Variants in SDHAF4 observed in about 807,000 individuals in gnomAD.
The protein encoded by SDHAF4 is succinate dehydrogenase complex assembly factor 4.
In SDHAF4, 14 loss-of-function variants were observed where a neutral mutation model predicts 14.3. That is an observed-to-expected ratio of 0.98 (90% CI 0.65 to 1.53). SDHAF4 has a LOEUF of 1.53. Among genes scored for constraint, SDHAF4 ranks in the 40% most tolerant of loss-of-function variants. The probability of loss-of-function intolerance (pLI) is 0.00; values close to 1 mark genes in which losing one functional copy is unlikely to be tolerated. For missense variants in SDHAF4, 141 were observed against 129.3 expected (o/e 1.09, Z -0.44); for synonymous variants, 63 against 47.3 (o/e 1.33, Z -1.36).
At chr6:70,578,549 T>C (rs1234413895) in intron 1 of SDHAF4, among the ~76,000 whole-genome samples, 6 of 152,234 alleles carry the variant, frequency 3.9e-5, no homozygotes, top group African/African-American at 1.4e-4. Flanking sequence ...AGCGTTTCTT[T>C]TGCTCTACAA....
At chr6:70,583,314 T>C (rs1449967627) in intron 2 of SDHAF4, among the ~76,000 whole-genome samples, 1 of 152,182 alleles carries the variant, frequency 6.6e-6, no homozygotes, top group Non-Finnish European at 1.5e-5. Context: ...GGTTTCACCA[T>C]GTTGGTCAGG....
At chr6:70,578,662 G>A (rs115110385) in intron 1 of SDHAF4, among the ~76,000 whole-genome samples, 61 of 152,250 alleles carry the variant, frequency 4.0e-4, no homozygotes, top group African/African-American at 1.3e-3. Context: ...CAAGACCAAT[G>A]TCCAGAAGAG....
At chr6:70,570,466 G>T (rs1802164883) in intron 1 of SDHAF4, among the ~76,000 whole-genome samples, 1 of 152,068 alleles carries the variant, frequency 6.6e-6, no homozygotes, top group South Asian at 2.1e-4. Flanking sequence ...GGGATTACTG[G>T]TGTGCACCAC....
downstream of SDHAF4, among the ~76,000 whole-genome samples, chr6:70,594,218 A>G (rs1008033963): frequency 2.0e-5 from 3 of 152,186 alleles, no homozygotes; most frequent in African/African-American, 7.2e-5. Flanking sequence ...GGCTATGAAG[A>G]TAGAATAAAT....
At chr6:70,570,891 T>A (rs7757026) in intron 1 of SDHAF4, among the ~76,000 whole-genome samples, 26,376 of 152,000 alleles carry the variant, frequency 0.17, 2,381 homozygotes, top group Middle Eastern at 0.21. Flanking sequence ...CCAAAAAATC[T>A]CCGTCTTATG....
intron 2 of SDHAF4, among the ~76,000 whole-genome samples, chr6:70,585,639 TC>T (rs967258685): frequency 3.3e-5 from 5 of 152,180 alleles, no homozygotes; most frequent in African/African-American, 7.2e-5. Flanking sequence ...AAGAAGAACT[TC>T]CGTTAGAGAG....
At chr6:70,587,340 A>C (rs138293529) in intron 2 of SDHAF4, among the ~76,000 whole-genome samples, 1,554 of 151,988 alleles carry the variant, frequency 0.01, 18 homozygotes, top group South Asian at 0.015. Context: ...AAGTACAATT[A>C]TTAGCCAGGC....
Position 70,579,471 on chromosome 6 carries a change from C to G in SDHAF4, c.122C>G (p.Ser41Cys), listed in dbSNP as rs1484718353. 1 of 1,611,148 alleles carries G rather than the reference C, an allele frequency of 6.2e-7. No individual in the cohort carries two copies. The highest frequency in any genetic ancestry group is 2.2e-5 in the East Asian group (1 of 44,774). ...ACAAGTTCTTCTCAAGGAGGAAAGT[C>G]TGAACTTGTCAAACAGTCCCTTAAG... ...RKTSSSQGGK[S>C]ELVKQSLKKP... Residue 41 changes from serine (S) to cysteine (C), a missense_variant, in exon 2 of 3, where the codon TCT becomes TGT. By Grantham distance (112) the Ser-to-Cys change is moderately radical (BLOSUM62 -1). Coordinates refer to ENST00000370474, the MANE Select transcript of SDHAF4 (RefSeq NM_145267.3).
At chr6:70,577,904 AT>A (rs1802276422) in intron 1 of SDHAF4, among the ~76,000 whole-genome samples, 1 of 152,212 alleles carries the variant, frequency 6.6e-6, no homozygotes, top group South Asian at 2.1e-4. Context: ...ACATGATTTC[AT>A]TATTTTTATG....
intron 1 of SDHAF4, among the ~76,000 whole-genome samples, chr6:70,570,505 T>A (rs762675544): frequency 1.6e-4 from 24 of 152,256 alleles, no homozygotes; most frequent in Non-Finnish European, 3.1e-4. Flanking sequence ...ATATTTTTTT[T>A]AGAGATGGGG....
chr6:70,587,279 C>T (rs1003077046), intron 2 of SDHAF4, among the ~76,000 whole-genome samples: 3 of 152,074 alleles, frequency 2.0e-5, no homozygotes, highest in South Asian at 4.1e-4. Context: ...CATTTGGGGT[C>T]AGGAGTTTGA....
At chr6:70,591,703 A>G (rs952270801), downstream of SDHAF4, among the ~76,000 whole-genome samples, 2 of 152,218 alleles carry the variant, frequency 1.3e-5, no homozygotes, top group South Asian at 2.1e-4. Flanking sequence ...TTAAAATGTC[A>G]TTAGTTGAAA....
intron 1 of SDHAF4, among the ~76,000 whole-genome samples, chr6:70,575,623 G>A (rs914577749): frequency 2.6e-5 from 4 of 151,984 alleles, no homozygotes; most frequent in African/African-American, 9.7e-5. Context: ...TACCTTTTTA[G>A]GTGTTTTATA....
rs185882709 is a variant in SDHAF4 at position 70,570,323 on chromosome 6, T to C, written c.64+3319T>C. ...AAATGGTGACAGTCTAGTTTCTCCC[T>C]GTCTAATCCTTTTTTTTGAGAAAGG... On this transcript the variant is annotated intron_variant, in intron 1 of 2. Coordinates refer to ENST00000370474, the MANE Select transcript of SDHAF4 (RefSeq NM_145267.3). 3.0e-3 allele frequency among the ~76,000 whole-genome samples: 458 copies of C among 152,306 alleles called. 3 individuals are homozygous for C. Among genetic ancestry groups the C allele is most frequent in the African/African-American group, 0.011 (437 of 41,554 alleles).
chr6:70,596,093 T>A, the SDHAF4 span, among the ~76,000 whole-genome samples: 9 of 152,200 alleles, frequency 5.9e-5, no homozygotes, highest in Non-Finnish European at 8.8e-5. Flanking sequence ...ACACTTGTGG[T>A]CTGTATGTCT....
At chr6:70,583,608 C>G (rs1337120038) in intron 2 of SDHAF4, among the ~76,000 whole-genome samples, 1 of 152,118 alleles carries the variant, frequency 6.6e-6, no homozygotes, top group Admixed American at 6.6e-5. Context: ...CTTGGCTTCC[C>G]TGGGTCACAT....
In SDHAF4 at chr6:70,566,947, C is replaced by A; in HGVS notation, c.7C>A (p.Pro3Thr). ...GGCTCGGGGAGTCGGCGCCATGACCCCATCGAGGCTTCCCTGGTTGCTTAG... is the reference window on the plus strand; with the variant it reads ...GGCTCGGGGAGTCGGCGCCATGACCACATCGAGGCTTCCCTGGTTGCTTAG... MT[P>T]SRLPWLLSWV... Residue 3 changes from proline (P) to threonine (T), a missense_variant, in exon 1 of 3, where the codon CCA becomes ACA. Physicochemically the swap from Pro to Thr is conservative, Grantham distance 38 (BLOSUM62 -1). Transcript: ENST00000370474. The A allele has an allele frequency of 6.3e-7, 1 of 1,586,376 alleles. No individual in the cohort carries two copies.
downstream of SDHAF4, among the ~76,000 whole-genome samples, chr6:70,593,554 T>A (rs1413940574): frequency 6.6e-6 from 1 of 152,110 alleles, no homozygotes; most frequent in Non-Finnish European, 1.5e-5. Flanking sequence ...CCTGTGAGAG[T>A]AGCCATGTGG....
chr6:70,575,277 C>G (rs113713746), intron 1 of SDHAF4, among the ~76,000 whole-genome samples: 2,542 of 152,134 alleles, frequency 0.017, 58 homozygotes, highest in African/African-American at 0.057. Flanking sequence ...ACTCGGGAGG[C>G]TGAGGCACAA....
Sources: gnomAD v4.1 joint callset for allele counts (sites outside exome capture counted in the v4.1 genomes callset) on GRCh38, gnomAD v4.1.1 for gene constraint, MANE v1.5 for transcripts, NCBI Gene and HGNC (gene_info 2026-07-23, HGNC 2026-07-21) for gene names.